Variants in EPHA6 observed in about 807,000 individuals in gnomAD.
EPHA6 encodes the protein ephrin type-A receptor 6.
In EPHA6, 50 loss-of-function variants were observed where a neutral mutation model predicts 112.0. The observed-to-expected ratio is 0.45, with a 90% confidence interval of 0.36 to 0.56. EPHA6 has a LOEUF of 0.56. Ranked by LOEUF, EPHA6 falls within the 20% of genes least tolerant of loss-of-function variation. The pLI, the probability that EPHA6 is intolerant of heterozygous loss-of-function variation, is 0.00. For missense variants in EPHA6, 1,280 were observed against 1,417.4 expected (o/e 0.90, Z 1.56); for synonymous variants, 529 against 490.7 (o/e 1.08, Z -1.03).
At chr3:97,368,433 A>G (rs966238735) in intron 5 of EPHA6, among the ~76,000 whole-genome samples, 2 of 152,156 alleles carry the variant, frequency 1.3e-5, no homozygotes, top group Non-Finnish European at 2.9e-5. Flanking sequence ...CTTATGCAAA[A>G]ATAAATATAG....
chr3:97,373,454 C>T (rs2085179652), intron 5 of EPHA6, among the ~76,000 whole-genome samples: 2 of 152,074 alleles, frequency 1.3e-5, no homozygotes, highest in Non-Finnish European at 2.9e-5. Context: ...TTTCTAGCTA[C>T]TGTGATTACA....
At chr3:97,740,973 G>A (rs1906066) in intron 16 of EPHA6, among the ~76,000 whole-genome samples, 76,151 of 151,936 alleles carry the variant, frequency 0.5, 19,486 homozygotes, top group African/African-American at 0.61. Context: ...TGTTGAAATT[G>A]AATAATAAGC....
chr3:97,209,608 T>G (rs1043433944), intron 3 of EPHA6, among the ~76,000 whole-genome samples: 2 of 152,232 alleles, frequency 1.3e-5, no homozygotes, highest in Admixed American at 6.5e-5. Context: ...AAATGTATGC[T>G]TTCCTTGCTT....
chr3:97,220,708 A>G (rs1324977782), intron 3 of EPHA6, among the ~76,000 whole-genome samples: 2 of 152,202 alleles, frequency 1.3e-5, no homozygotes, highest in East Asian at 3.9e-4. Flanking sequence ...CTCTCCCTTG[A>G]CACATGGGGA....
Position 97,748,880 on chromosome 3 carries a change from A to G in EPHA6, c.*179A>G. The G allele has an allele frequency of 3.5e-6, 2 of 575,502 alleles. No individual in the cohort carries two copies. Among genetic ancestry groups the G allele is most frequent in the East Asian group, 5.6e-5 (2 of 35,598 alleles). The allele number at this position is 575,502 out of a possible 1,614,324, so 35.6% of individuals were successfully genotyped here. On this transcript the variant is annotated 3_prime_UTR_variant, in exon 18 of 18. Coordinates refer to ENST00000389672, the MANE Select transcript of EPHA6 (RefSeq NM_001080448.3). The stretch of plus-strand genomic sequence containing the variant: ...CCAGGATTTTAAAATCATGCTACAT[A>G]AATCCGTTCTGAATAACCTGCAACT...
intron 7 of EPHA6, among the ~76,000 whole-genome samples, chr3:97,452,395 G>A (rs1328472181): frequency 6.6e-6 from 1 of 151,730 alleles, no homozygotes; most frequent in Non-Finnish European, 1.5e-5. Context: ...ATTGACTGAA[G>A]ATATTCACTC....
intron 3 of EPHA6, among the ~76,000 whole-genome samples, chr3:97,157,678 G>T (rs534506100): frequency 6.6e-6 from 1 of 152,076 alleles, no homozygotes; most frequent in East Asian, 1.9e-4. Flanking sequence ...CTCAAGACCC[G>T]AGAGGAGCTG....
At chr3:97,179,946 A>T (rs183497516) in intron 3 of EPHA6, among the ~76,000 whole-genome samples, 10 of 152,186 alleles carry the variant, frequency 6.6e-5, no homozygotes, top group African/African-American at 2.4e-4. Flanking sequence ...AGCAGGTGGC[A>T]AAGTCAGCCA....
chr3:97,236,839 G>C (rs941950506), intron 4 of EPHA6, among the ~76,000 whole-genome samples: 2 of 152,014 alleles, frequency 1.3e-5, no homozygotes, highest in South Asian at 4.1e-4. Context: ...TAGAGCAAAT[G>C]GTGGTTGAGA....
chr3:97,294,793 T>A (rs2080816797), intron 5 of EPHA6, among the ~76,000 whole-genome samples: 1 of 152,190 alleles, frequency 6.6e-6, no homozygotes, highest in African/African-American at 2.4e-5. Flanking sequence ...GGTCTAGTAG[T>A]AGTGAATTCC....
chr3:97,292,520 G>T (rs555523345), intron 5 of EPHA6, among the ~76,000 whole-genome samples: 7 of 152,348 alleles, frequency 4.6e-5, no homozygotes, highest in African/African-American at 1.7e-4. Flanking sequence ...TCGGCAAGCA[G>T]GTCGTCCTGA....
chr3:97,596,875 AATATATAT>A (rs62670860), intron 12 of EPHA6, among the ~76,000 whole-genome samples: 53 of 100,366 alleles, frequency 5.3e-4, no homozygotes, highest in East Asian at 2.2e-3. Flanking sequence ...ATATCTATGG[AATATATAT>A]ATATATATAT....
At chr3:97,487,042 T>A (rs2091715727) in intron 10 of EPHA6, among the ~76,000 whole-genome samples, 1 of 152,186 alleles carries the variant, frequency 6.6e-6, no homozygotes, top group Non-Finnish European at 1.5e-5. Context: ...TAAGTGGTAG[T>A]CTAGATGCTA....
intron 11 of EPHA6, among the ~76,000 whole-genome samples, chr3:97,548,440 G>T (rs546734306): frequency 9.9e-5 from 15 of 152,056 alleles, no homozygotes; most frequent in African/African-American, 2.9e-4. Context: ...TTTTGGGGAG[G>T]GATAATTTAG....
At chr3:96,984,242 C>T (rs2042930243) in intron 2 of EPHA6, among the ~76,000 whole-genome samples, 1 of 151,996 alleles carries the variant, frequency 6.6e-6, no homozygotes, top group Admixed American at 6.6e-5. Flanking sequence ...GTGTGGATGT[C>T]CTTTCTGTTT....
At chr3:97,160,345 CG>C (rs1169044623) in intron 3 of EPHA6, among the ~76,000 whole-genome samples, 1 of 152,040 alleles carries the variant, frequency 6.6e-6, no homozygotes, top group African/African-American at 2.4e-5. Context: ...AGAGTGATCT[CG>C]GGTCACTACA....
At chr3:97,096,713 T>G (rs1220704007) in intron 3 of EPHA6, among the ~76,000 whole-genome samples, 6 of 151,946 alleles carry the variant, frequency 3.9e-5, no homozygotes, top group African/African-American at 7.2e-5. Context: ...TAAATTTTCT[T>G]AAGTTTTGAA....
In EPHA6 at chr3:97,394,646, T is replaced by A. The variant is rs546225058; in HGVS notation, c.1607-10504T>A. On this transcript the variant is annotated intron_variant, in intron 5 of 17. Transcript: ENST00000389672. The stretch of plus-strand genomic sequence containing the variant: ...AATAGATATTTTTGAAGAGAAGACA[T>A]ACAAATAGCCAACCTGTACATGAAA... Among the ~76,000 whole-genome samples the A allele has an allele frequency of 8.2e-4, 125 of 151,850 alleles. 1 individual carries two copies. Among genetic ancestry groups the A allele is most frequent in the South Asian group, 6.2e-3 (30 of 4,818 alleles).
intron 14 of EPHA6, among the ~76,000 whole-genome samples, chr3:97,661,662 A>G (rs1189578293): frequency 1.3e-5 from 2 of 152,116 alleles, no homozygotes; most frequent in African/African-American, 4.8e-5. Flanking sequence ...TTATTCTTAA[A>G]CCAGATCATT....
Sources: gnomAD v4.1 joint callset for allele counts (sites outside exome capture counted in the v4.1 genomes callset) on GRCh38, gnomAD v4.1.1 for gene constraint, MANE v1.5 for transcripts, NCBI Gene and HGNC (gene_info 2026-07-23, HGNC 2026-07-21) for gene names.